The following PHC2 variants were observed in gnomAD, a reference collection of about 807,000 sequenced individuals.
The protein encoded by PHC2 is polyhomeotic-like protein 2.
In PHC2, 29 loss-of-function variants were observed where a neutral mutation model predicts 87.4. The observed-to-expected ratio is 0.33, with a 90% confidence interval of 0.25 to 0.45. The LOEUF is 0.45. Among genes scored for constraint, PHC2 ranks in the 20% least tolerant of loss-of-function variants. PHC2 has a pLI of 1.00. For synonymous variants in PHC2, 438 were observed against 461.7 expected, an observed-to-expected ratio of 0.95 and a Z score of 0.66; for missense variants, 857 against 1,136.7, an observed-to-expected ratio of 0.75 and a Z score of 3.54.
intron 9 of PHC2, among the ~76,000 whole-genome samples, chr1:33,337,239 T>C (rs1454230231): frequency 6.6e-6 from 1 of 152,234 alleles, no homozygotes; most frequent in Admixed American, 6.5e-5. Flanking sequence ...TTCTATAATA[T>C]GCCCACCCAA....
chr1:33,365,952 C>T (rs902632260), intron 7 of PHC2, among the ~76,000 whole-genome samples: 17 of 152,230 alleles, frequency 1.1e-4, no homozygotes, highest in Non-Finnish European at 2.1e-4. Context: ...ACCCATTCTG[C>T]CTGACAGGCA....
At chr1:33,346,716 A>G in intron 9 of PHC2, 3 of 985,400 alleles carry the variant, frequency 3.0e-6, no homozygotes, top group Non-Finnish European at 3.6e-6. Context: ...AGGTGGGGGA[A>G]CTTTACTTGG....
Position 33,349,871 on chromosome 1 carries a change from G to C in PHC2, c.1558+4530C>G. ...GCGCGCGCGCGCGCGGCGGGCGCTC[G>C]AGGGCTGCAGCCGCCGCGGAGACAA... On this transcript the variant is annotated intron_variant, in intron 9 of 14. Transcript: ENST00000683057. This position sits in a 1 kb window ranked among gnomAD's most constrained non-coding sequence, Gnocchi z 4.2. 1 of 977,850 alleles carries C rather than the reference G, an allele frequency of 1.0e-6. No homozygotes were observed. Among genetic ancestry groups the C allele is most frequent in the Non-Finnish European group, 1.2e-6 (1 of 826,292 alleles). 60.6% of individuals were successfully genotyped at this position (977,850 alleles called of 1,614,324 possible).
At chr1:33,406,101 C>G (rs1649751762) in intron 1 of PHC2, among the ~76,000 whole-genome samples, 2 of 152,114 alleles carry the variant, frequency 1.3e-5, no homozygotes, top group African/African-American at 4.8e-5. Flanking sequence ...AAATATAAAA[C>G]ACCTTGATAA....
Position 33,331,533 on chromosome 1 carries a change from G to T in PHC2, c.1892-71C>A. The T allele has an allele frequency of 1.2e-6, 1 of 853,380 alleles. No individual in the cohort carries two copies. Among genetic ancestry groups the T allele is most frequent in the Non-Finnish European group, 2.0e-6 (1 of 504,822 alleles). 52.9% of individuals were successfully genotyped at this position (853,380 alleles called of 1,614,324 possible). A position where few individuals can be genotyped will look rare whatever the true frequency, so the allele number is the denominator to read the frequency against. On this transcript the variant is annotated intron_variant, in intron 11 of 14. Transcript: ENST00000683057. This position sits in a 1 kb window ranked among gnomAD's most constrained non-coding sequence, Gnocchi z 5.2. Reference sequence around the variant, plus strand: ...CAGGACTGTGGCCAGCCCCACCACGGGGCCTCCCTACTCCATCCTGCCTGG... The same window carrying T: ...CAGGACTGTGGCCAGCCCCACCACGTGGCCTCCCTACTCCATCCTGCCTGG...
chr1:33,345,518 C>A (rs1646829512), intron 9 of PHC2: 1 of 983,770 alleles, frequency 1.0e-6, no homozygotes, highest in African/African-American at 1.7e-5. Context: ...ACAAAAAAAA[C>A]CTTGAAGTTT....
In PHC2 at chr1:33,332,887, T is replaced by C. The variant is rs1646534228; in HGVS notation, c.1762-483A>G. Among the ~76,000 whole-genome samples, 1 of 152,120 alleles carries C rather than the reference T, an allele frequency of 6.6e-6. No homozygotes were observed. The highest frequency in any genetic ancestry group is 2.4e-5 in the African/African-American group (1 of 41,426). ...CAGAGGTACAGGCCGCCACAGAGTA[T>C]AGCAGGAAAAAACAGACCCTGGGCC... On this transcript the variant is annotated intron_variant, in intron 10 of 14. Coordinates refer to ENST00000683057, the MANE Select transcript of PHC2 (RefSeq NM_001385109.1). This position sits in a 1 kb window ranked among gnomAD's most constrained non-coding sequence, Gnocchi z 4.2.
Position 33,349,897 on chromosome 1 carries a change from T to G in PHC2, c.1558+4504A>C, listed in dbSNP as rs1646931688. Reference sequence around the variant, plus strand: ...AGGGCTGCAGCCGCCGCGGAGACAATGCGGCGAGTCTGGGACGGCTCCCGC... The same window carrying G: ...AGGGCTGCAGCCGCCGCGGAGACAAGGCGGCGAGTCTGGGACGGCTCCCGC... On this transcript the variant is annotated intron_variant, in intron 9 of 14. Coordinates refer to ENST00000683057, the MANE Select transcript of PHC2 (RefSeq NM_001385109.1). This position sits in a 1 kb window ranked among gnomAD's most constrained non-coding sequence, Gnocchi z 4.2. The G allele has an allele frequency of 1.0e-6, 1 of 966,644 alleles. No homozygotes were observed. The highest frequency in any genetic ancestry group is 1.9e-5 in the African/African-American group (1 of 53,252). The allele number at this position is 966,644 out of a possible 1,614,324, so 59.9% of individuals were successfully genotyped here.
chr1:33,372,588 T>A (rs879844430), intron 2 of PHC2, 141 bp from the exon 3 acceptor site: 52,382 of 630,702 alleles, frequency 0.083, 3,988 homozygotes, highest in African/African-American at 0.31. Flanking sequence ...CAGCCAATTG[T>A]GGCCACTCTC....
rs1646322625 is a variant in PHC2 at position 33,324,149 on chromosome 1, C to T, written c.*716G>A. The T allele has an allele frequency of 6.5e-6, 1 of 152,800 alleles. No individual in the cohort carries two copies. The highest frequency in any genetic ancestry group is 2.4e-5 in the African/African-American group (1 of 41,470). 9.5% of individuals were successfully genotyped at this position (152,800 alleles called of 1,614,324 possible). ...TCTGCGCTGAGGCTGCCATTCTTGG[C>T]TATTCCCCATCCTGAGGCTGAGTGG... On this transcript the variant is annotated 3_prime_UTR_variant, in exon 15 of 15. Transcript: ENST00000683057.
chr1:33,406,863 C>T (rs528888737), intron 1 of PHC2, among the ~76,000 whole-genome samples: 10 of 146,458 alleles, frequency 6.8e-5, no homozygotes, highest in Admixed American at 6.6e-4. Context: ...TATCCTCTGT[C>T]CCAAAACTCT....
chr1:33,411,940 T>A (rs1452676367), intron 1 of PHC2, among the ~76,000 whole-genome samples: 1 of 152,146 alleles, frequency 6.6e-6, no homozygotes, highest in African/African-American at 2.4e-5. Flanking sequence ...CAAACCAGGA[T>A]AGAAGAAAAC....
Position 33,367,548 on chromosome 1 carries a change from C to CAG in PHC2, c.664-122_664-121dup. 3.8e-6 allele frequency: 3 copies of CAG among 791,380 alleles called. No homozygotes were observed. The South Asian group carries it at 6.0e-5, about 16-fold the overall frequency. 49.0% of individuals were successfully genotyped at this position (791,380 alleles called of 1,614,324 possible). A position where few individuals can be genotyped will look rare whatever the true frequency, so the allele number is the denominator to read the frequency against. On this transcript the variant is annotated intron_variant, in intron 6 of 14. Coordinates refer to ENST00000683057, the MANE Select transcript of PHC2 (RefSeq NM_001385109.1). ...TGAATAGAACAGGAGGTTGTCAAAT[C>CAG]AGAGAGAGAGAATGTGTTAGGGGCT...
intron 1 of PHC2, among the ~76,000 whole-genome samples, chr1:33,385,945 C>T (rs1481264964): frequency 6.6e-6 from 1 of 151,748 alleles, no homozygotes; most frequent in Non-Finnish European, 1.5e-5. Flanking sequence ...TACAGGCCTG[C>T]ACCACCACAC....
chr1:33,366,727 T>C (rs1182472918), intron 7 of PHC2, among the ~76,000 whole-genome samples: 1 of 152,240 alleles, frequency 6.6e-6, no homozygotes, highest in Admixed American at 6.5e-5. Context: ...TTCCCATCTC[T>C]CTGTCTGGTT....
At chr1:33,430,473 C>G (rs541898416) in intron 1 of PHC2, among the ~76,000 whole-genome samples, 9 of 152,302 alleles carry the variant, frequency 5.9e-5, no homozygotes, top group South Asian at 2.1e-4. Flanking sequence ...GCGGGCGCCC[C>G]GGTCAGGCCC....
At chr1:33,427,655 T>G (rs1330270414) in intron 1 of PHC2, among the ~76,000 whole-genome samples, 2 of 152,166 alleles carry the variant, frequency 1.3e-5, no homozygotes, top group Non-Finnish European at 2.9e-5. Flanking sequence ...AATGAATGTT[T>G]CCCACTCTTT....
rs77753487 is a variant in PHC2 at position 33,420,483 on chromosome 1, A to G, written c.-55+10493T>C. 4.7e-3 allele frequency among the ~76,000 whole-genome samples: 720 copies of G among 152,314 alleles called. 3 individuals carry two copies. Among genetic ancestry groups the G allele is most frequent in the Middle Eastern group, 0.014 (4 of 294 alleles). On this transcript the variant is annotated intron_variant, in intron 1 of 14. Coordinates refer to ENST00000683057, the MANE Select transcript of PHC2 (RefSeq NM_001385109.1). ...AAATCAGCTCACTCTTAATGACCACAGGTACTGGAACTCAAAGCCTGCATG... is the reference window on the plus strand; with the variant it reads ...AAATCAGCTCACTCTTAATGACCACGGGTACTGGAACTCAAAGCCTGCATG...
chr1:33,368,408 T>G lies in PHC2; in HGVS notation c.663+128A>C. ...GGGTAGACGCGCAGGCCTGGGGGCATTGGGGTGTCCTGTCTCCCGCCTGCT... is the reference window on the plus strand; with the variant it reads ...GGGTAGACGCGCAGGCCTGGGGGCAGTGGGGTGTCCTGTCTCCCGCCTGCT... On this transcript the variant is annotated intron_variant, in intron 6 of 14. Transcript: ENST00000683057. The surrounding 1 kb of genome is among the most constrained non-coding windows in gnomAD (Gnocchi z 6.6). 2 of 609,520 alleles carry G rather than the reference T, an allele frequency of 3.3e-6. No homozygotes were observed. Among genetic ancestry groups the G allele is most frequent in the Non-Finnish European group, 5.8e-6 (2 of 345,792 alleles). The allele number at this position is 609,520 out of a possible 1,614,324, so 37.8% of individuals were successfully genotyped here. A position where few individuals can be genotyped will look rare whatever the true frequency, so the allele number is the denominator to read the frequency against.
Sources: allele counts gnomAD v4.1 joint callset (sites outside exome capture counted in the v4.1 genomes callset), GRCh38; gene constraint gnomAD v4.1.1; non-coding constraint Gnocchi (gnomAD v3.1); transcripts MANE v1.5; gene names NCBI Gene and HGNC (gene_info 2026-07-23, HGNC 2026-07-21).